The following GRK4 variants were observed in gnomAD, a reference collection of about 807,000 sequenced individuals.
GRK4 encodes G protein-coupled receptor kinase 4.
A neutral mutation model predicts 77.9 loss-of-function variants in GRK4; 73 were observed. The ratio of observed to expected loss-of-function variants is 0.94; its 90% confidence interval spans 0.78 to 1.14. GRK4 has a LOEUF of 1.14. GRK4 is among the 50% of genes most tolerant of loss of function. The pLI is 0.00. For missense variants in GRK4, 729 were observed against 700.2 expected (o/e 1.04, Z -0.46); for synonymous variants, 257 against 254.4 (o/e 1.01, Z -0.10).
At chr4:3,022,619 A>G (rs965226681) in intron 10 of GRK4, among the ~76,000 whole-genome samples, 168 bp downstream of exon 10, 4 of 152,196 alleles carry the variant, frequency 2.6e-5, no homozygotes, top group South Asian at 2.1e-4. Flanking sequence ...AATACTGACA[A>G]TTTGGTCATT....
intron 1 of GRK4, among the ~76,000 whole-genome samples, chr4:2,979,040 T>C (rs1722016908): frequency 1.3e-5 from 2 of 151,414 alleles, no homozygotes; most frequent in African/African-American, 4.9e-5. Context: ...CCATCCTGGT[T>C]AACGTGGTGA....
chr4:3,004,476 C>T (rs565780310), intron 5 of GRK4, 142 bp downstream of exon 5: 1 of 558,432 alleles, frequency 1.8e-6, no homozygotes, highest in East Asian at 2.8e-5. Flanking sequence ...GACGCTGACA[C>T]CACCCAACCT....
Position 2,963,636 on chromosome 4 carries a change from C to T in GRK4, c.-435C>T. On this transcript the variant is annotated 5_prime_UTR_variant, in exon 1 of 16. Transcript: ENST00000398052. ...AGCTAAGCCGTTAGCGCCGAGCCCG[C>T]CCGGGAGCGGGTCGCCGGCCGCGGC... 1 of 388,226 alleles carries T rather than the reference C, an allele frequency of 2.6e-6. No individual in the cohort carries two copies. The highest frequency in any genetic ancestry group is 4.6e-6 in the Non-Finnish European group (1 of 218,894). 24.0% of individuals were successfully genotyped at this position (388,226 alleles called of 1,614,324 possible).
At chr4:3,031,243 T>A (rs1739085893) in intron 12 of GRK4, among the ~76,000 whole-genome samples, 1 of 152,032 alleles carries the variant, frequency 6.6e-6, no homozygotes. Flanking sequence ...TGGGGAGACG[T>A]GAGCAGGGCT....
chr4:3,039,085 A>G (rs1438887419), intron 15 of GRK4, among the ~76,000 whole-genome samples: 5 of 152,130 alleles, frequency 3.3e-5, no homozygotes, highest in Non-Finnish European at 7.4e-5. Flanking sequence ...GTGTGGTGGC[A>G]CATGCCTGTA....
chr4:2,967,014 T>G (rs1482758565), intron 1 of GRK4: 3 of 152,080 alleles, frequency 2.0e-5, no homozygotes, highest in Non-Finnish European at 4.4e-5. Flanking sequence ...GGTGATTGGG[T>G]CATGAGAGTG....
chr4:3,006,310 G>C (rs1455773125), intron 5 of GRK4, among the ~76,000 whole-genome samples: 1 of 151,542 alleles, frequency 6.6e-6, no homozygotes, highest in Admixed American at 6.6e-5. Context: ...AACCCAGGAG[G>C]TGGAGGTTGT....
chr4:3,025,018 C>G (rs1737063190), intron 10 of GRK4, among the ~76,000 whole-genome samples: 1 of 152,008 alleles, frequency 6.6e-6, no homozygotes, highest in Admixed American at 6.6e-5. Context: ...TGCCTGTAAT[C>G]CCAATATTTT....
intron 15 of GRK4, among the ~76,000 whole-genome samples, chr4:3,039,113 G>C (rs1741681732): frequency 6.6e-6 from 1 of 152,178 alleles, no homozygotes; most frequent in Non-Finnish European, 1.5e-5. Flanking sequence ...CTACTTGGGA[G>C]GCTGAGGCAG....
chr4:3,000,039 G>A (rs1729071472), intron 4 of GRK4, among the ~76,000 whole-genome samples: 1 of 152,054 alleles, frequency 6.6e-6, no homozygotes, highest in Non-Finnish European at 1.5e-5. Context: ...CTCCACCAGT[G>A]GTCTTTCCTA....
chr4:3,006,775 GAA>G (rs912602953), intron 5 of GRK4, among the ~76,000 whole-genome samples: 2 of 151,846 alleles, frequency 1.3e-5, no homozygotes, highest in Non-Finnish European at 2.9e-5. Context: ...CAAAAAAAAA[GAA>G]AAGAGATGTT....
chr4:3,029,127 G>C, intron 11 of GRK4, 74 bp from the exon 12 acceptor site: 1 of 1,151,402 alleles, frequency 8.7e-7, no homozygotes, highest in Non-Finnish European at 1.3e-6. Flanking sequence ...AATGTATACT[G>C]TGTTACTGGG....
At chr4:3,023,475 TGGGGGACTTG>T (rs946133228) in intron 10 of GRK4, among the ~76,000 whole-genome samples, 5 of 152,316 alleles carry the variant, frequency 3.3e-5, no homozygotes, top group African/African-American at 1.2e-4. Context: ...AGGGCAGTCG[TGGGGGACTTG>T]GAATGCTAGT....
At chr4:3,031,513 A>G (rs1739167740) in intron 12 of GRK4, among the ~76,000 whole-genome samples, 1 of 152,198 alleles carries the variant, frequency 6.6e-6, no homozygotes, top group African/African-American at 2.4e-5. Flanking sequence ...TCCAGCAGCT[A>G]GAGAGAGGCC....
intron 10 of GRK4, among the ~76,000 whole-genome samples, chr4:3,027,361 C>T (rs1455217996): frequency 6.6e-6 from 1 of 152,190 alleles, no homozygotes; most frequent in Non-Finnish European, 1.5e-5. Context: ...TTGTTAGTTC[C>T]ATAGGAATTC....
intron 12 of GRK4, among the ~76,000 whole-genome samples, chr4:3,034,739 C>G (rs938003366): frequency 1.5e-4 from 23 of 152,306 alleles, no homozygotes; most frequent in African/African-American, 5.3e-4. Context: ...GTTGCCTCAT[C>G]TGAGGTCCTT....
intron 4 of GRK4, among the ~76,000 whole-genome samples, chr4:2,997,480 G>A (rs543652824): frequency 2.6e-5 from 4 of 152,228 alleles, no homozygotes; most frequent in Admixed American, 1.3e-4. Context: ...ACAATTAAAC[G>A]TCAACATGAG....
At chr4:2,965,044 G>GC (rs1483319777) in intron 1 of GRK4, among the ~76,000 whole-genome samples, 4 of 152,140 alleles carry the variant, frequency 2.6e-5, no homozygotes, top group Non-Finnish European at 1.5e-5. Context: ...CACAAGTTAT[G>GC]CCAAGTCATC....
chr4:2,976,902 G>T (rs1395725248), intron 1 of GRK4, among the ~76,000 whole-genome samples: 1 of 152,170 alleles, frequency 6.6e-6, no homozygotes, highest in Non-Finnish European at 1.5e-5. Context: ...GTCTCCCAAA[G>T]TGCTGGGATG....
Sources: gnomAD v4.1 joint callset for allele counts (sites outside exome capture counted in the v4.1 genomes callset) on GRCh38, gnomAD v4.1.1 for gene constraint, MANE v1.5 for transcripts, NCBI Gene and HGNC (gene_info 2026-07-23, HGNC 2026-07-21) for gene names.